Variants in MID1 observed in about 807,000 individuals in gnomAD.
MID1 encodes midline 1.
A neutral mutation model predicts 40.4 loss-of-function variants in MID1; 7 were observed. The ratio of observed to expected loss-of-function variants is 0.17; its 90% CI spans 0.10 to 0.33. The LOEUF (loss-of-function observed/expected upper bound fraction) is 0.33. MID1 is among the 10% of genes least tolerant of loss of function. MID1 has a pLI of 1.00. For missense variants in MID1, 367 were observed against 558.5 expected (o/e 0.66, Z 3.46); for synonymous variants, 229 against 221.2 (o/e 1.04, Z -0.31).
chrX:10,584,151 A>T (rs1248462757), intron 1 of MID1, among the ~76,000 whole-genome samples: 2 of 111,664 alleles, frequency 1.8e-5, no homozygotes, highest in African/African-American at 6.5e-5. Context: ...ATGGCAAAAG[A>T]GCAGGAGAGG....
chrX:10,465,254 CACACACAT>C (rs1162101103), intron 7 of MID1, among the ~76,000 whole-genome samples: 19 of 96,807 alleles, frequency 2.0e-4, no homozygotes, highest in African/African-American at 7.3e-4. Context: ...CACACACACA[CACACACAT>C]ACATATATGA....
chrX:10,804,323 T>G (rs917911648), intron 1 of MID1, among the ~76,000 whole-genome samples: 1 of 112,288 alleles, frequency 8.9e-6, no homozygotes, highest in Admixed American at 9.5e-5. Context: ...TTTTCTTGCC[T>G]TTTAGAATGC....
At chrX:10,655,180 C>A (rs1444358344) in intron 1 of MID1, among the ~76,000 whole-genome samples, 1 of 111,032 alleles carries the variant, frequency 9.0e-6, no homozygotes, top group African/African-American at 3.3e-5. Context: ...AAAGAGAAAA[C>A]CAAGAAAGAG....
intron 8 of MID1, among the ~76,000 whole-genome samples, chrX:10,457,906 C>A (rs965330026): frequency 1.8e-5 from 2 of 113,014 alleles, no homozygotes; most frequent in African/African-American, 6.4e-5. Context: ...CTGCTCCTAA[C>A]CTACCTTGGA....
intron 1 of MID1, among the ~76,000 whole-genome samples, chrX:10,628,465 G>A (rs1460280568): frequency 9.0e-6 from 1 of 111,493 alleles, no homozygotes; most frequent in African/African-American, 3.3e-5. Context: ...TAATGTGAGT[G>A]ATTTAAATAG....
At chrX:10,762,482 G>GT (rs1389271058) in intron 1 of MID1, among the ~76,000 whole-genome samples, 62 of 102,522 alleles carry the variant, frequency 6.0e-4, no homozygotes, top group South Asian at 1.3e-3. Flanking sequence ...GTTGTTGTGT[G>GT]TTTTTTTTTT....
At position 10,469,732 on chromosome X, in the gene MID1, T is replaced by C; in HGVS notation, c.1250A>G (p.Gln417Arg). The C allele has an allele frequency of 8.3e-7, 1 of 1,211,428 alleles. No homozygotes were observed. The highest frequency in any genetic ancestry group is 1.1e-6 in the Non-Finnish European group (1 of 895,126). ...DEFSVVSYEL[Q>R]YTIFTGQANV... Reference sequence around the variant, plus strand: ...GGCTTGTCCGGTGAATATGGTGTACTGGAGCTCGTAGGAGACCACGCTGAA... The same window carrying C: ...GGCTTGTCCGGTGAATATGGTGTACCGGAGCTCGTAGGAGACCACGCTGAA... The change falls in exon 7 of 10, where the codon CAG (glutamine) becomes CGG (arginine). Residue 417 changes from glutamine (Q) to arginine (R), a missense_variant. Around this residue, in one of 3 missense-constraint regions of MID1, gnomAD observed 275 missense variants for 383.1 expected, o/e 0.72. Transcript: ENST00000317552.
intron 5 of MID1, among the ~76,000 whole-genome samples, chrX:10,476,208 C>A (rs1369201167): frequency 1.8e-5 from 2 of 111,017 alleles, no homozygotes; most frequent in Non-Finnish European, 3.8e-5. Flanking sequence ...TTGCTAGGGG[C>A]TAAGAGGGGA....
chrX:10,708,577 C>T (rs1264435715), intron 1 of MID1, among the ~76,000 whole-genome samples: 2 of 111,235 alleles, frequency 1.8e-5, no homozygotes, highest in Non-Finnish European at 3.8e-5. Context: ...CTCCGTAGGC[C>T]GCTTCACTGG....
chrX:10,467,492 A>G (rs7065139), intron 7 of MID1, among the ~76,000 whole-genome samples: 1,924 of 112,027 alleles, frequency 0.017, 24 homozygotes, highest in African/African-American at 0.035. Flanking sequence ...TCCTGGAATT[A>G]TCTTTTCCTT....
chrX:10,754,798 C>T (rs1034863692), intron 1 of MID1, among the ~76,000 whole-genome samples: 2 of 111,421 alleles, frequency 1.8e-5, no homozygotes, highest in East Asian at 2.8e-4. Flanking sequence ...TGAAAAGTCT[C>T]GTTATTGAAA....
intron 1 of MID1, among the ~76,000 whole-genome samples, chrX:10,645,055 A>C (rs1433766208): frequency 9.0e-6 from 1 of 111,688 alleles, no homozygotes; most frequent in African/African-American, 3.3e-5. Flanking sequence ...AAGTACAGTT[A>C]GTTGAGCCGG....
chrX:10,469,557 T>A lies in MID1; in HGVS notation c.1285+140A>T, dbSNP rs747030660. 5.8e-6 allele frequency: 7 copies of A among 1,203,406 alleles called. No homozygotes were observed. The African/African-American group carries it at 1.1e-4, about 18-fold the overall frequency. ...ATGTAGTACAAGTGAGTGCTATCAC[T>A]TTTTTGTTCAAGAAAGACAAGTCAA... On this transcript the variant is annotated intron_variant, in intron 7 of 9. Transcript: ENST00000317552.
At chrX:10,702,309 C>T (rs2043198103) in intron 1 of MID1, among the ~76,000 whole-genome samples, 2 of 111,752 alleles carry the variant, frequency 1.8e-5, no homozygotes, top group Non-Finnish European at 3.8e-5. Flanking sequence ...AGCTCACTGG[C>T]CTGAAAATGA....
In MID1 at chrX:10,445,749, T is replaced by A. The variant is rs776115133; in HGVS notation, c.*3619A>T. 8.9e-6 allele frequency: 1 copy of A among 111,850 alleles called. No individual in the cohort carries two copies. The highest frequency in any genetic ancestry group is 1.9e-5 in the Non-Finnish European group (1 of 53,207). 9.2% of individuals were successfully genotyped at this position (111,850 alleles called of 1,213,427 possible). On this transcript the variant is annotated 3_prime_UTR_variant, in exon 10 of 10. Coordinates refer to ENST00000317552, the MANE Select transcript of MID1 (RefSeq NM_000381.4). ...TACAGATGATGATACTTATCAGTGATTCCCATTTACACAGGCTTGGATTGC... is the reference window on the plus strand; with the variant it reads ...TACAGATGATGATACTTATCAGTGAATCCCATTTACACAGGCTTGGATTGC...
intron 5 of MID1, among the ~76,000 whole-genome samples, chrX:10,479,993 G>A (rs1038295801): frequency 8.0e-5 from 9 of 111,909 alleles, no homozygotes; most frequent in African/African-American, 2.9e-4. Flanking sequence ...TGCTAGGACT[G>A]GAACCCAGGT....
intron 1 of MID1, chrX:10,677,355 A>C (rs2043029456): frequency 8.9e-6 from 1 of 112,459 alleles, no homozygotes; most frequent in African/African-American, 3.2e-5. Flanking sequence ...ACACTTTATA[A>C]ATTCAAATCC....
intron 3 of MID1, among the ~76,000 whole-genome samples, chrX:10,513,495 C>G (rs1932257581): frequency 8.9e-6 from 1 of 112,058 alleles, no homozygotes. Flanking sequence ...TTAGAAATAA[C>G]AATGGCCATT....
chrX:10,542,655 A>C (rs1933518355), intron 2 of MID1, among the ~76,000 whole-genome samples: 1 of 112,091 alleles, frequency 8.9e-6, no homozygotes, highest in South Asian at 3.7e-4. Flanking sequence ...TTTACTGGGT[A>C]GTAACTTACT....
Sources: allele counts gnomAD v4.1 joint callset (sites outside exome capture counted in the v4.1 genomes callset), GRCh38; gene constraint gnomAD v4.1.1; regional missense constraint gnomAD v4.1.1; transcripts MANE v1.5; gene names NCBI Gene and HGNC (gene_info 2026-07-23, HGNC 2026-07-21).